CNTN5: variants seen among roughly 807,000 people sequenced by gnomAD.
The protein encoded by CNTN5 is contactin-5.
CNTN5 carries 77 observed loss-of-function variants against 129.1 expected under a neutral mutation model. That is an observed-to-expected ratio of 0.60 (90% confidence interval 0.50 to 0.72). The LOEUF (loss-of-function observed/expected upper bound fraction) is 0.72, where lower values mean the gene tolerates loss of function less well. Ranked by LOEUF, CNTN5 falls within the 30% of genes least tolerant of loss-of-function variation. The probability of loss-of-function intolerance (pLI) is 0.00; values close to 1 mark genes in which losing one functional copy is unlikely to be tolerated. For synonymous variants in CNTN5, 509 were observed against 465.6 expected (o/e 1.09, Z -1.20); for missense variants, 1,478 against 1,328.8 (o/e 1.11, Z -1.75).
rs181148178 is a variant in CNTN5, at chr11:99,646,691, G to T, written c.55+90422G>T. Among the ~76,000 whole-genome samples the T allele has an allele frequency of 2.0e-5, 3 of 151,250 alleles. No individual in the cohort carries two copies. The East Asian group carries it at 5.9e-4, about 30-fold the overall frequency. On this transcript the variant is annotated intron_variant, in intron 3 of 24. Transcript: ENST00000524871. ...TATTTACTAATGTAATTCCTATTAA[G>T]TATATTGCCCATTAGTATATCTCAC...
At chr11:99,284,865 T>C (rs1033820224) in intron 1 of CNTN5, among the ~76,000 whole-genome samples, 14 of 152,212 alleles carry the variant, frequency 9.2e-5, no homozygotes, top group Middle Eastern at 3.4e-3. Flanking sequence ...ATAGATATCA[T>C]ATAGGAAAGA....
intron 1 of CNTN5, among the ~76,000 whole-genome samples, chr11:99,318,393 A>G (rs1865432924): frequency 6.6e-6 from 1 of 152,216 alleles, no homozygotes; most frequent in African/African-American, 2.4e-5. Context: ...ATCCCTGGAC[A>G]TGCTCAGAAA....
intron 7 of CNTN5, among the ~76,000 whole-genome samples, chr11:99,948,208 G>T (rs1341350455): frequency 6.6e-6 from 1 of 152,116 alleles, no homozygotes; most frequent in Non-Finnish European, 1.5e-5. Context: ...AAAATATTTG[G>T]ACAACTCTGT....
At chr11:100,281,386 A>T (rs1031403830) in intron 18 of CNTN5, among the ~76,000 whole-genome samples, 5 of 151,990 alleles carry the variant, frequency 3.3e-5, no homozygotes, top group African/African-American at 1.2e-4. Flanking sequence ...GTTTTTTTTC[A>T]TTAGCACTTT....
chr11:99,438,966 C>A (rs937919624), intron 2 of CNTN5, among the ~76,000 whole-genome samples: 1 of 152,006 alleles, frequency 6.6e-6, no homozygotes, highest in Non-Finnish European at 1.5e-5. Context: ...ACAAAATAAG[C>A]AAAATCACAC....
At chr11:99,806,436 G>C (rs955142050) in intron 3 of CNTN5, among the ~76,000 whole-genome samples, 3 of 152,048 alleles carry the variant, frequency 2.0e-5, no homozygotes, top group Non-Finnish European at 4.4e-5. Flanking sequence ...GTGAGTGAGT[G>C]TGTGTGTGTA....
At chr11:100,029,470 C>G (rs1409869136) in intron 9 of CNTN5, among the ~76,000 whole-genome samples, 1 of 152,016 alleles carries the variant, frequency 6.6e-6, no homozygotes, top group Non-Finnish European at 1.5e-5. Context: ...GTAGTCCCAG[C>G]TACTCGGGAG....
intron 1 of CNTN5, among the ~76,000 whole-genome samples, chr11:99,248,448 C>A (rs1330919370): frequency 6.6e-6 from 1 of 152,076 alleles, no homozygotes; most frequent in Non-Finnish European, 1.5e-5. Flanking sequence ...TTTTGCTGTG[C>A]AGAAGCTCTT....
At chr11:100,344,734 C>G (rs1409732995) in intron 23 of CNTN5, among the ~76,000 whole-genome samples, 1 of 152,022 alleles carries the variant, frequency 6.6e-6, no homozygotes, top group African/African-American at 2.4e-5. Context: ...ACACATGTAT[C>G]AAATTATCAT....
Position 99,787,090 on chromosome 11 carries a change from G to GT in CNTN5, c.56-32444dup, listed in dbSNP as rs35703142. ...TTTTCATTTGCTTCTGAAACTACAT[G>GT]TTTTTTTTTTGTTTTTTATTTATTT... On this transcript the variant is annotated intron_variant, in intron 3 of 24. Coordinates refer to ENST00000524871, the MANE Select transcript of CNTN5 (RefSeq NM_014361.4). Among the ~76,000 whole-genome samples, 615 of 148,690 alleles carry GT rather than the reference G, an allele frequency of 4.1e-3. 4 individuals are homozygous for GT. Among genetic ancestry groups the GT allele is most frequent in the Middle Eastern group, 0.028 (8 of 286 alleles).
At chr11:99,314,074 T>C (rs2135978087) in intron 1 of CNTN5, among the ~76,000 whole-genome samples, 1 of 152,090 alleles carries the variant, frequency 6.6e-6, no homozygotes, top group South Asian at 2.1e-4. Context: ...TGTGAAGCTG[T>C]TTAGACGTGT....
intron 3 of CNTN5, among the ~76,000 whole-genome samples, chr11:99,559,992 T>C (rs1948788684): frequency 6.6e-6 from 1 of 152,076 alleles, no homozygotes; most frequent in East Asian, 1.9e-4. Flanking sequence ...ATATAACAAC[T>C]GGAAAGAGAA....
intron 21 of CNTN5, chr11:100,309,182 G>A (rs971588445): frequency 1.0e-6 from 1 of 984,862 alleles, no homozygotes; most frequent in African/African-American, 1.7e-5. Flanking sequence ...AAAAGAATTA[G>A]CATCTGACCC....
At chr11:99,080,980 G>GTT (rs766619743) in intron 1 of CNTN5, among the ~76,000 whole-genome samples, 1,347 of 112,408 alleles carry the variant, frequency 0.012, 38 homozygotes, top group African/African-American at 0.04. Flanking sequence ...TGAGAAATCA[G>GTT]TTTTTTTTTT....
At chr11:99,085,577 T>A (rs529017979) in intron 1 of CNTN5, among the ~76,000 whole-genome samples, 10 of 152,170 alleles carry the variant, frequency 6.6e-5, no homozygotes, top group Non-Finnish European at 1.2e-4. Context: ...TGTAAGAGTT[T>A]TTCTAAGAGT....
At chr11:99,929,559 A>C (rs1441068961) in intron 7 of CNTN5, among the ~76,000 whole-genome samples, 1 of 152,176 alleles carries the variant, frequency 6.6e-6, no homozygotes, top group African/African-American at 2.4e-5. Flanking sequence ...GTCATGGTGG[A>C]AGGGGAAGGA....
intron 2 of CNTN5, among the ~76,000 whole-genome samples, chr11:99,466,292 C>T (rs1944940062): frequency 6.6e-6 from 1 of 152,174 alleles, no homozygotes; most frequent in African/African-American, 2.4e-5. Flanking sequence ...CCAGTCCCCT[C>T]TTCCAACATT....
chr11:100,352,779 A>G (rs1952445955), intron 24 of CNTN5, among the ~76,000 whole-genome samples: 1 of 151,774 alleles, frequency 6.6e-6, no homozygotes, highest in Non-Finnish European at 1.5e-5. Context: ...TCTCTGCATT[A>G]ATTATTTCAC....
At chr11:100,327,190 T>A (rs1055555881) in intron 21 of CNTN5, among the ~76,000 whole-genome samples, 1 of 152,244 alleles carries the variant, frequency 6.6e-6, no homozygotes, top group Non-Finnish European at 1.5e-5. Flanking sequence ...CCCAGCCTCA[T>A]CCTGCTTAAA....
Sources: allele counts gnomAD v4.1 joint callset (sites outside exome capture counted in the v4.1 genomes callset), GRCh38; gene constraint gnomAD v4.1.1; transcripts MANE v1.5; gene names NCBI Gene and HGNC (gene_info 2026-07-23, HGNC 2026-07-21).